Variants in CFAP299 observed in about 807,000 individuals in gnomAD.
CFAP299 encodes the protein cilia and flagella associated protein 299, also known as cilia- and flagella-associated protein 299.
A neutral mutation model predicts 27.0 loss-of-function variants in CFAP299; 21 were observed. The observed-to-expected ratio is 0.78, with a 90% CI of 0.55 to 1.12. CFAP299 has a LOEUF of 1.12. Among genes scored for constraint, CFAP299 ranks in the 50% most tolerant of loss-of-function variants. CFAP299 has a pLI of 0.00. For synonymous variants in CFAP299, 104 were observed against 98.1 expected, an observed-to-expected ratio of 1.06 and a Z score of -0.36; for missense variants, 310 against 276.6, an observed-to-expected ratio of 1.12 and a Z score of -0.86.
intron 3 of CFAP299, among the ~76,000 whole-genome samples, chr4:80,788,232 T>C (rs898922953): frequency 1.3e-5 from 2 of 152,078 alleles, no homozygotes; most frequent in African/African-American, 4.8e-5. Context: ...AATCTGGTCT[T>C]ACCTGTCTTT....
At chr4:80,794,191 T>C (rs1044048658) in intron 3 of CFAP299, among the ~76,000 whole-genome samples, 1 of 152,190 alleles carries the variant, frequency 6.6e-6, no homozygotes, top group Non-Finnish European at 1.5e-5. Context: ...GACTTAAAGG[T>C]AGGAGAAACC....
At chr4:80,771,192 A>G (rs774335900) in intron 3 of CFAP299, among the ~76,000 whole-genome samples, 20 of 152,112 alleles carry the variant, frequency 1.3e-4, no homozygotes, top group Admixed American at 2.6e-4. Context: ...AGCCTCTTCC[A>G]CTAATACTAC....
chr4:80,673,875 G>A (rs1259044987), intron 3 of CFAP299, among the ~76,000 whole-genome samples: 2 of 145,290 alleles, frequency 1.4e-5, no homozygotes, highest in African/African-American at 5.2e-5. Context: ...CATTTCCTTG[G>A]TAGATCTTCC....
At position 80,581,640 on chromosome 4, in the gene CFAP299, C is replaced by A. The variant is rs567740880; in HGVS notation, c.243-1453C>A. Among the ~76,000 whole-genome samples, 138 of 151,328 alleles carry A rather than the reference C, an allele frequency of 9.1e-4. 1 individual carries two copies. Among genetic ancestry groups the A allele is most frequent in the Admixed American group, 6.1e-3 (92 of 15,182 alleles). Reference sequence around the variant, plus strand: ...TCCTTAACTCTTTGCAAAAAGCAATCACTAGGTGTATTTTATCTCTTAAAT... The same window carrying A: ...TCCTTAACTCTTTGCAAAAAGCAATAACTAGGTGTATTTTATCTCTTAAAT... On this transcript the variant is annotated intron_variant, in intron 2 of 5. Transcript: ENST00000358105.
chr4:80,789,241 T>C (rs540681957), intron 3 of CFAP299, among the ~76,000 whole-genome samples: 3 of 152,144 alleles, frequency 2.0e-5, no homozygotes, highest in South Asian at 2.1e-4. Flanking sequence ...TAAGATGTTA[T>C]TGAAGCTATC....
intron 2 of CFAP299, among the ~76,000 whole-genome samples, chr4:80,435,974 T>G (rs1239714649): frequency 3.3e-5 from 5 of 152,202 alleles, no homozygotes; most frequent in African/African-American, 1.2e-4. Context: ...CATCACCAGA[T>G]GAGAGGGACT....
intron 3 of CFAP299, among the ~76,000 whole-genome samples, chr4:80,853,017 C>A (rs1578183571): frequency 6.7e-6 from 1 of 148,954 alleles, no homozygotes; most frequent in Non-Finnish European, 1.5e-5. Flanking sequence ...AATTTATTTT[C>A]TTTTTATTTA....
rs571565085 is a variant in CFAP299, at chr4:80,785,113, G to A, written c.334-84880G>A. Among the ~76,000 whole-genome samples the A allele has an allele frequency of 8.0e-5, 12 of 149,656 alleles. 1 individual carries two copies. The South Asian group carries it at 2.3e-3, about 29-fold the overall frequency. On this transcript the variant is annotated intron_variant, in intron 3 of 5. Coordinates refer to ENST00000358105, the MANE Select transcript of CFAP299 (RefSeq NM_152770.3). ...GATATTCAAAAAAATCATTGCCAAGGTCAATGTCAAGGAGCTCTTCCTCTA... is the reference window on the plus strand; with the variant it reads ...GATATTCAAAAAAATCATTGCCAAGATCAATGTCAAGGAGCTCTTCCTCTA...
In CFAP299 at chr4:80,719,448, C is replaced by T. The variant is rs558218882; in HGVS notation, c.333+136265C>T. ...TTTATAGAAAACTACCAAACTGTTT[C>T]CCAAATGACTGTACCATTTGTATTC... On this transcript the variant is annotated intron_variant, in intron 3 of 5. Coordinates refer to ENST00000358105, the MANE Select transcript of CFAP299 (RefSeq NM_152770.3). Among the ~76,000 whole-genome samples, 10 of 152,278 alleles carry T rather than the reference C, an allele frequency of 6.6e-5. No homozygotes were observed. The South Asian group carries it at 2.1e-3, about 32-fold the overall frequency.
Position 80,870,093 on chromosome 4 carries a change from T to C in CFAP299, c.434T>C (p.Phe145Ser), listed in dbSNP as rs777845215. 1.9e-6 allele frequency: 3 copies of C among 1,613,264 alleles called. No homozygotes were observed. The Admixed American group carries it at 5.0e-5, about 27-fold the overall frequency. ...RLKTEDFEVY[F>S]TGKKRLLPRP... ...AAGACGGAAGATTTTGAAGTCTACT[T>C]TACTGGAAAAAAAAGACTTCTTCCA... The change falls in exon 4 of 6, where the codon TTT (phenylalanine) becomes TCT (serine). Residue 145 changes from phenylalanine (F) to serine (S), a missense_variant. By Grantham distance (155) the Phe-to-Ser change is radical. Coordinates refer to ENST00000358105, the MANE Select transcript of CFAP299 (RefSeq NM_152770.3).
intron 2 of CFAP299, among the ~76,000 whole-genome samples, chr4:80,559,939 C>A (rs562989017): frequency 3.3e-5 from 5 of 152,278 alleles, no homozygotes; most frequent in Admixed American, 3.3e-4. Flanking sequence ...TAGTGTTGAA[C>A]TAGGCCTAGA....
At chr4:80,322,649 G>GT in the CFAP299 span, among the ~76,000 whole-genome samples, 10 of 152,216 alleles carry the variant, frequency 6.6e-5, no homozygotes, top group African/African-American at 1.9e-4. Flanking sequence ...AAGAAACTTT[G>GT]AGTTTTCAGT....
intron 3 of CFAP299, among the ~76,000 whole-genome samples, chr4:80,857,557 G>A (rs977736905): frequency 6.6e-6 from 1 of 152,084 alleles, no homozygotes; most frequent in African/African-American, 2.4e-5. Context: ...ATAGATAGCT[G>A]TTATTATTTT....
At chr4:80,757,717 T>G (rs1725317201) in intron 3 of CFAP299, among the ~76,000 whole-genome samples, 1 of 151,294 alleles carries the variant, frequency 6.6e-6, no homozygotes, top group African/African-American at 2.5e-5. Flanking sequence ...GTTTGTTTGT[T>G]TGTTTGTTTG....
At chr4:80,329,208 C>CATATATATATATATATATATATATAT in the CFAP299 span, among the ~76,000 whole-genome samples, 84 of 136,022 alleles carry the variant, frequency 6.2e-4, no homozygotes, top group African/African-American at 2.3e-3. Flanking sequence ...ACACTGTATA[C>CATATATATATATATATATATATATAT]ATATATATAT....
At chr4:80,742,055 C>T (rs888223301) in intron 3 of CFAP299, among the ~76,000 whole-genome samples, 8 of 152,166 alleles carry the variant, frequency 5.3e-5, no homozygotes, top group African/African-American at 1.9e-4. Flanking sequence ...CCCTGCATGA[C>T]TACTGTGGGA....
chr4:80,809,998 G>T (rs1026538818), intron 3 of CFAP299, among the ~76,000 whole-genome samples: 2 of 151,844 alleles, frequency 1.3e-5, no homozygotes, highest in Non-Finnish European at 2.9e-5. Flanking sequence ...TTTGGGTTGC[G>T]GTGAAATTTT....
chr4:80,872,236 C>T (rs546215824), intron 4 of CFAP299: 146 of 152,128 alleles, frequency 9.6e-4, no homozygotes, highest in African/African-American at 3.3e-3. Context: ...CTCCTGAGCT[C>T]GATCAGTAGG....
At chr4:80,492,125 C>A (rs1364245119) in intron 2 of CFAP299, among the ~76,000 whole-genome samples, 1 of 152,138 alleles carries the variant, frequency 6.6e-6, no homozygotes, top group Non-Finnish European at 1.5e-5. Context: ...TCACCTATAG[C>A]CTGGAAGCCT....
Sources: allele counts gnomAD v4.1 joint callset (sites outside exome capture counted in the v4.1 genomes callset), GRCh38; gene constraint gnomAD v4.1.1; transcripts MANE v1.5; gene names NCBI Gene and HGNC (gene_info 2026-07-23, HGNC 2026-07-21).